The following SNX4 variants were observed in gnomAD, a reference collection of about 807,000 sequenced individuals.
SNX4 encodes the protein sorting nexin 4.
Under a neutral mutation model 70.8 loss-of-function variants are expected in SNX4, and 49 were observed. The ratio of observed to expected loss-of-function variants is 0.69; its 90% CI spans 0.55 to 0.88. The LOEUF (loss-of-function observed/expected upper bound fraction) is 0.88, where lower values mean the gene tolerates loss of function less well. SNX4 is among the 40% of genes least tolerant of loss of function. The pLI is 0.00. For missense variants in SNX4, 528 were observed against 544.8 expected (o/e 0.97, Z 0.31); for synonymous variants, 206 against 183.8 (o/e 1.12, Z -0.98).
chr3:125,462,886 T>C (rs930087180), intron 9 of SNX4, among the ~76,000 whole-genome samples: 2 of 152,136 alleles, frequency 1.3e-5, no homozygotes, highest in African/African-American at 2.4e-5. Flanking sequence ...GGAAACCTTT[T>C]ATTGAAGAGC....
At position 125,451,397 on chromosome 3, in the gene SNX4, C is replaced by A; in HGVS notation, c.1213G>T (p.Ala405Ser). 6.2e-7 allele frequency: 1 copy of A among 1,613,150 alleles called. No individual in the cohort carries two copies. The highest frequency in any genetic ancestry group is 8.5e-7 in the Non-Finnish European group (1 of 1,179,370). Residue 405 changes from alanine (A) to serine (S), a missense_variant, in exon 13 of 14, where the codon GCT (alanine) becomes TCT (serine). Transcript: ENST00000251775. Reference protein sequence around the residue: ...EGREFVKNAWADIERFKEQKN... With the variant: ...EGREFVKNAWSDIERFKEQKN... ...TGTTCTTTGAAGCGTTCAATATCAG[C>A]CCATGCGTTTTTCACAAATTCTCTG...
At chr3:125,516,972 C>A (rs1414961820) in intron 1 of SNX4, 2 of 150,186 alleles carry the variant, frequency 1.3e-5, no homozygotes, top group Admixed American at 1.3e-4. Flanking sequence ...TCCAAAATTA[C>A]AACTTAGGCT....
intron 5 of SNX4, among the ~76,000 whole-genome samples, chr3:125,495,592 A>C (rs1048657025): frequency 4.0e-5 from 6 of 151,628 alleles, no homozygotes; most frequent in Non-Finnish European, 7.4e-5. Context: ...GAAACATTCT[A>C]TCTAAATACT....
At chr3:125,455,845 G>A (rs1468308726) in intron 11 of SNX4, among the ~76,000 whole-genome samples, 1 of 151,734 alleles carries the variant, frequency 6.6e-6, no homozygotes, top group Non-Finnish European at 1.5e-5. Context: ...AACCCCGTCT[G>A]TACTAAAAGT....
chr3:125,477,072 C>T (rs1470952057), intron 7 of SNX4, among the ~76,000 whole-genome samples: 1 of 152,112 alleles, frequency 6.6e-6, no homozygotes, highest in Non-Finnish European at 1.5e-5. Context: ...GCATAAAATT[C>T]CACTAAGTAG....
intron 1 of SNX4, among the ~76,000 whole-genome samples, chr3:125,506,327 T>C (rs1935041586): frequency 6.6e-6 from 1 of 151,378 alleles, no homozygotes; most frequent in African/African-American, 2.4e-5. Context: ...AAAAAGACTT[T>C]ATCCCTTTTT....
Position 125,447,751 on chromosome 3 carries a change from T to C in SNX4, c.*28A>G, listed in dbSNP as rs1345304349. 5 of 1,563,656 alleles carry C rather than the reference T, an allele frequency of 3.2e-6. No homozygotes were observed. The highest frequency in any genetic ancestry group is 4.4e-6 in the Non-Finnish European group (5 of 1,147,638). ...CTTGTGCTTCTGTTTTGGGGCACTTTGATTGAAGAGAAATTCAATTCACAG... is the reference window on the plus strand; with the variant it reads ...CTTGTGCTTCTGTTTTGGGGCACTTCGATTGAAGAGAAATTCAATTCACAG... On this transcript the variant is annotated 3_prime_UTR_variant, in exon 14 of 14. Transcript: ENST00000251775.
Position 125,495,277 on chromosome 3 carries a change from T to TATACATATATATATACAC in SNX4, c.597+2063_597+2064insGTGTATATATATATGTAT. 5.0e-5 allele frequency among the ~76,000 whole-genome samples: 5 copies of TATACATATATATATACAC among 99,612 alleles called. 2 individuals carry two copies. In the South Asian group the frequency reaches 1.8e-3, roughly 35 times the overall value. The allele number at this position is 99,612 out of a possible 152,430, so 65.3% of individuals were successfully genotyped here. Reference sequence around the variant, plus strand: ...ATATATATATATATATATATATATATACACATACACACACACACACGTATG... The same window carrying TATACATATATATATACAC: ...ATATATATATATATATATATATATATATACATATATATATACACACACATACACACACACACACGTATG... On this transcript the variant is annotated intron_variant, in intron 5 of 13. Transcript: ENST00000251775.
intron 6 of SNX4, among the ~76,000 whole-genome samples, chr3:125,486,783 T>C (rs1300059654): frequency 6.6e-6 from 1 of 152,164 alleles, no homozygotes; most frequent in Non-Finnish European, 1.5e-5. Flanking sequence ...CCAGGCACAG[T>C]GGCATCCACA....
At chr3:125,497,079 TAAA>T (rs869287911) in intron 5 of SNX4, among the ~76,000 whole-genome samples, 3 of 124,088 alleles carry the variant, frequency 2.4e-5, no homozygotes, top group African/African-American at 5.9e-5. Flanking sequence ...AAACACTAAC[TAAA>T]AAAAAAAAAA....
rs77865802 is a variant in SNX4 at position 125,498,127 on chromosome 3, C to A, written c.331G>T (p.Glu111Ter). 6.2e-7 allele frequency: 1 copy of A among 1,614,192 alleles called. No homozygotes were observed. The highest frequency in any genetic ancestry group is 8.5e-7 in the Non-Finnish European group (1 of 1,180,014). The change falls in exon 3 of 14, where the codon GAG becomes TAG. Residue 111 changes from glutamate to a stop codon, truncating the protein, a stop_gained. Transcript: ENST00000251775. LOFTEE classifies it high-confidence loss of function. ...ACTAAAAGGTAGCTTCTCAACAACT[C>A]AAATTCACTATATCGCCGCCATAGT... Reference protein sequence around the residue: ...DSLWRRYSEFELLRSYLLVYY... With the variant: ...DSLWRRYSEF
intron 7 of SNX4, among the ~76,000 whole-genome samples, chr3:125,478,436 G>A (rs1039258672): frequency 2.0e-5 from 3 of 150,188 alleles, no homozygotes; most frequent in African/African-American, 2.5e-5. Context: ...TTTTTAAGTG[G>A]TTCCATCATC....
intron 7 of SNX4, among the ~76,000 whole-genome samples, chr3:125,478,408 TTTTTC>T (rs995742898): frequency 1.6e-5 from 2 of 127,502 alleles, no homozygotes; most frequent in East Asian, 2.2e-4. Context: ...GTGTTGAATG[TTTTTC>T]TTTTCTTTTT....
At chr3:125,455,239 T>C (rs1319433960) in intron 11 of SNX4, among the ~76,000 whole-genome samples, 2 of 152,210 alleles carry the variant, frequency 1.3e-5, no homozygotes, top group African/African-American at 4.8e-5. Context: ...CCGGCTTGAA[T>C]TTCATAATCA....
intron 2 of SNX4, among the ~76,000 whole-genome samples, chr3:125,502,715 A>G (rs1934955893): frequency 6.6e-6 from 1 of 151,536 alleles, no homozygotes; most frequent in Non-Finnish European, 1.5e-5. Flanking sequence ...CTAAAACTAC[A>G]TGGTGACGGG....
chr3:125,511,806 A>G (rs1380350390), intron 1 of SNX4, among the ~76,000 whole-genome samples: 1 of 152,210 alleles, frequency 6.6e-6, no homozygotes, highest in Admixed American at 6.5e-5. Flanking sequence ...AACTCAGTGC[A>G]GCAAAGGGTA....
chr3:125,513,379 C>A (rs1219422993), intron 1 of SNX4, among the ~76,000 whole-genome samples: 2 of 152,216 alleles, frequency 1.3e-5, no homozygotes, highest in African/African-American at 4.8e-5. Context: ...GTCTTTGGTA[C>A]CTTGTTATAG....
At chr3:125,487,544 A>G (rs1934558726) in intron 6 of SNX4, among the ~76,000 whole-genome samples, 1 of 152,178 alleles carries the variant, frequency 6.6e-6, no homozygotes, top group African/African-American at 2.4e-5. Flanking sequence ...TCTCTAATGG[A>G]TGTACAGCCA....
At chr3:125,496,892 T>TA (rs899853941) in intron 5 of SNX4, among the ~76,000 whole-genome samples, 1 of 152,274 alleles carries the variant, frequency 6.6e-6, no homozygotes, top group African/African-American at 2.4e-5. Flanking sequence ...GAAGCATGAC[T>TA]AAGGGCTTAT....
Sources: allele counts gnomAD v4.1 joint callset (sites outside exome capture counted in the v4.1 genomes callset), GRCh38; gene constraint gnomAD v4.1.1; transcripts MANE v1.5; gene names NCBI Gene and HGNC (gene_info 2026-07-23, HGNC 2026-07-21).